Variants in SLC16A12 observed in about 807,000 individuals in gnomAD.
SLC16A12 encodes solute carrier family 16 member 12, also known as monocarboxylate transporter 12.
In SLC16A12, 17 loss-of-function variants were observed where a neutral mutation model predicts 42.4. That is an observed-to-expected ratio of 0.40 (90% CI 0.27 to 0.60). The LOEUF (loss-of-function observed/expected upper bound fraction) is 0.60. Ranked by LOEUF, SLC16A12 falls within the 20% of genes least tolerant of loss-of-function variation. The probability of loss-of-function intolerance (pLI) is 0.42; values close to 1 mark genes in which losing one functional copy is unlikely to be tolerated. For missense variants in SLC16A12, 544 were observed against 623.0 expected, an observed-to-expected ratio of 0.87 and a Z score of 1.35; for synonymous variants, 224 against 229.4, an observed-to-expected ratio of 0.98 and a Z score of 0.21.
chr10:89,511,301 T>C (rs1267105441), intron 2 of SLC16A12, among the ~76,000 whole-genome samples: 1 of 152,206 alleles, frequency 6.6e-6, no homozygotes, highest in South Asian at 2.1e-4. Context: ...TGCAGCACTA[T>C]TCACAATAGC....
intron 2 of SLC16A12, among the ~76,000 whole-genome samples, chr10:89,511,144 A>C (rs1843154995): frequency 6.6e-6 from 1 of 152,248 alleles, no homozygotes; most frequent in African/African-American, 2.4e-5. Context: ...AGCGTAAATT[A>C]GTTCAACCAT....
chr10:89,538,249 T>A (rs186503461), upstream of SLC16A12, among the ~76,000 whole-genome samples: 5 of 152,338 alleles, frequency 3.3e-5, no homozygotes, highest in East Asian at 9.6e-4. Context: ...AGGAGCAACA[T>A]TTCTTCCAAA....
chr10:89,434,055 T>G (rs1369272012), intron 7 of SLC16A12, among the ~76,000 whole-genome samples: 3 of 152,176 alleles, frequency 2.0e-5, no homozygotes, highest in African/African-American at 7.2e-5. Context: ...TTTCCTTATC[T>G]GCCAAGAAAA....
At chr10:89,476,326 G>A (rs551083416) in intron 2 of SLC16A12, among the ~76,000 whole-genome samples, 5 of 152,184 alleles carry the variant, frequency 3.3e-5, no homozygotes, top group Admixed American at 3.3e-4. Flanking sequence ...CTCTGTAATC[G>A]CTGCCATCCG....
chr10:89,525,332 T>TATGCC (rs1299477483), intron 2 of SLC16A12, among the ~76,000 whole-genome samples: 3 of 150,442 alleles, frequency 2.0e-5, no homozygotes, highest in Non-Finnish European at 4.4e-5. Flanking sequence ...GAAAGCAGAA[T>TATGCC]ATGCCAGGAA....
intron 2 of SLC16A12, among the ~76,000 whole-genome samples, chr10:89,524,529 C>A (rs1228296546): frequency 2.0e-5 from 3 of 152,204 alleles, no homozygotes; most frequent in African/African-American, 7.2e-5. Flanking sequence ...CTAGAAGGTT[C>A]AACCTGCGAA....
chr10:89,519,941 T>C (rs915607188), intron 2 of SLC16A12, among the ~76,000 whole-genome samples: 8 of 151,760 alleles, frequency 5.3e-5, no homozygotes, highest in Non-Finnish European at 8.8e-5. Flanking sequence ...GGTGAAACCC[T>C]GTCTCTACTA....
chr10:89,483,946 A>G (rs1428274273), intron 2 of SLC16A12, among the ~76,000 whole-genome samples: 1 of 152,096 alleles, frequency 6.6e-6, no homozygotes, highest in African/African-American at 2.4e-5. Context: ...GCTGAGTTCA[A>G]ATCTCAGCTT....
chr10:89,452,339 C>A (rs1240075081), intron 3 of SLC16A12, among the ~76,000 whole-genome samples: 2 of 152,128 alleles, frequency 1.3e-5, no homozygotes, highest in African/African-American at 2.4e-5. Context: ...ATAAGAGTTG[C>A]TTGACTTCAG....
chr10:89,487,133 C>A (rs942820142), intron 2 of SLC16A12, among the ~76,000 whole-genome samples: 6 of 152,316 alleles, frequency 3.9e-5, no homozygotes, highest in South Asian at 2.1e-4. Context: ...GGTCAGATTC[C>A]TCTGAATGAA....
At chr10:89,531,381 G>A (rs1292283294) in intron 2 of SLC16A12, among the ~76,000 whole-genome samples, 3 of 152,162 alleles carry the variant, frequency 2.0e-5, no homozygotes, top group Non-Finnish European at 4.4e-5. Flanking sequence ...CTGGGTGACA[G>A]AGCAAGGCTC....
chr10:89,471,095 C>T (rs182833737), intron 2 of SLC16A12, among the ~76,000 whole-genome samples: 137 of 152,296 alleles, frequency 9.0e-4, no homozygotes, highest in Admixed American at 2.5e-3. Context: ...GACTGTTAAA[C>T]ATTTTTAAAT....
chr10:89,445,356 G>C (rs1397437984), intron 3 of SLC16A12, among the ~76,000 whole-genome samples: 1 of 152,218 alleles, frequency 6.6e-6, no homozygotes, highest in Non-Finnish European at 1.5e-5. Context: ...CATACAGCCA[G>C]GTGCCCCTCT....
chr10:89,486,699 GAAAA>G (rs1264195758), intron 2 of SLC16A12, among the ~76,000 whole-genome samples: 1 of 121,778 alleles, frequency 8.2e-6, no homozygotes, highest in Non-Finnish European at 1.7e-5. Context: ...GAAAAGAAAA[GAAAA>G]AAGAAAGAAA....
rs575510779 is a variant in SLC16A12 at position 89,534,599 on chromosome 10, G to C, written c.-145C>G. On this transcript the variant is annotated 5_prime_UTR_variant, in exon 2 of 8. Coordinates refer to ENST00000371790, the MANE Select transcript of SLC16A12 (RefSeq NM_213606.4). ...AAAGCGGGCAGATCGCTTGAGCCCA[G>C]GAGCTCGAGAGCAAACCGGCCAATA... The C allele has an allele frequency of 3.7e-5, 5 of 136,072 alleles. No homozygotes were observed. The highest frequency in any genetic ancestry group is 1.1e-4 in the African/African-American group (4 of 35,834). The allele number at this position is 136,072 out of a possible 1,614,324, so 8.4% of individuals were successfully genotyped here.
intron 6 of SLC16A12, among the ~76,000 whole-genome samples, chr10:89,436,868 A>AAAAGAAAGAAAGAAAG (rs370756736): frequency 0.051 from 6,169 of 120,340 alleles, 211 homozygotes; most frequent in African/African-American, 0.073. Flanking sequence ...GAAATAAAGA[A>AAAAGAAAGAAAGAAAG]AAAGAAAGAA....
At chr10:89,439,228 G>A (rs769221233) in intron 5 of SLC16A12, 45 bp from the exon 6 acceptor site, 2 of 1,538,950 alleles carry the variant, frequency 1.3e-6, no homozygotes, top group East Asian at 2.3e-5. Flanking sequence ...ACCATAAACA[G>A]CCAATGATAT....
chr10:89,543,757 C>T (rs1589738236), intron 2 of SLC16A12, among the ~76,000 whole-genome samples: 2 of 152,156 alleles, frequency 1.3e-5, no homozygotes, highest in South Asian at 4.2e-4. Flanking sequence ...ATCACTTGAG[C>T]CCAGAAGGTC....
At chr10:89,433,657 T>C (rs1033654121) in intron 7 of SLC16A12, among the ~76,000 whole-genome samples, 2 of 152,172 alleles carry the variant, frequency 1.3e-5, no homozygotes. Context: ...ATTATTAAGG[T>C]TGGAATAATT....
Sources: gnomAD v4.1 joint callset for allele counts (sites outside exome capture counted in the v4.1 genomes callset) on GRCh38, gnomAD v4.1.1 for gene constraint, MANE v1.5 for transcripts, NCBI Gene and HGNC (gene_info 2026-07-23, HGNC 2026-07-21) for gene names.